Variants in SLC25A21 observed in about 807,000 individuals in gnomAD.
SLC25A21 encodes the protein solute carrier family 25 member 21.
In SLC25A21, 47 loss-of-function variants were observed where a neutral mutation model predicts 43.8. The ratio of observed to expected loss-of-function variants is 1.07; its 90% CI spans 0.85 to 1.37. The LOEUF (loss-of-function observed/expected upper bound fraction) is 1.37, where lower values mean the gene tolerates loss of function less well. Among genes scored for constraint, SLC25A21 ranks in the 40% most tolerant of loss-of-function variants. The probability of loss-of-function intolerance (pLI) is 0.00; values close to 1 mark genes in which losing one functional copy is unlikely to be tolerated. For missense variants in SLC25A21, 352 were observed against 350.2 expected (o/e 1.00, Z -0.04); for synonymous variants, 131 against 121.3 (o/e 1.08, Z -0.52).
intron 1 of SLC25A21, among the ~76,000 whole-genome samples, chr14:37,068,272 A>C (rs1362359099): frequency 1.3e-5 from 2 of 152,334 alleles, no homozygotes; most frequent in South Asian, 2.1e-4. Context: ...GAAGCCAACT[A>C]GGAGATATTT....
In SLC25A21 at chr14:37,098,778, C is replaced by CAGAT. The variant is rs1465755836; in HGVS notation, c.70+73502_70+73503insATCT. On this transcript the variant is annotated intron_variant, in intron 1 of 9. Transcript: ENST00000331299. The stretch of plus-strand genomic sequence containing the variant: ...ACAGACAGACAGACAGACAGACAGA[C>CAGAT]AGACAGACAGATAGATAGATAGATA... Among the ~76,000 whole-genome samples, 247 of 115,410 alleles carry CAGAT rather than the reference C, an allele frequency of 2.1e-3. 3 individuals are homozygous for CAGAT. Among genetic ancestry groups the CAGAT allele is most frequent in the African/African-American group, 8.8e-3 (234 of 26,516 alleles). 75.7% of individuals were successfully genotyped at this position (115,410 alleles called of 152,430 possible).
At chr14:36,787,612 C>A (rs1228088461) in intron 3 of SLC25A21, among the ~76,000 whole-genome samples, 1 of 151,802 alleles carries the variant, frequency 6.6e-6, no homozygotes, top group Admixed American at 6.6e-5. Context: ...TCATTTTATT[C>A]AAAAAAACTG....
intron 3 of SLC25A21, chr14:36,759,726 C>G (rs1199573216): frequency 6.6e-6 from 1 of 152,232 alleles, no homozygotes; most frequent in African/African-American, 2.4e-5. Context: ...CGCCTGTAAT[C>G]CCAGCATGTT....
intron 1 of SLC25A21, among the ~76,000 whole-genome samples, chr14:37,077,084 G>C (rs1180345023): frequency 6.6e-6 from 1 of 152,308 alleles, no homozygotes; most frequent in East Asian, 1.9e-4. Context: ...AGATATCTGA[G>C]TAACTCAGAC....
intron 1 of SLC25A21, among the ~76,000 whole-genome samples, chr14:37,036,298 C>T (rs1476108993): frequency 3.3e-5 from 5 of 152,050 alleles, no homozygotes; most frequent in African/African-American, 1.2e-4. Flanking sequence ...TGAAGTGAAA[C>T]CTGGAGGTTC....
chr14:36,966,397 C>G (rs918462730), intron 1 of SLC25A21, among the ~76,000 whole-genome samples: 1 of 152,150 alleles, frequency 6.6e-6, no homozygotes, highest in African/African-American at 2.4e-5. Flanking sequence ...TTGAGGTGAT[C>G]AGTGGAATTG....
At chr14:36,686,819 G>GT (rs1278871104) in intron 7 of SLC25A21, among the ~76,000 whole-genome samples, 3 of 152,224 alleles carry the variant, frequency 2.0e-5, no homozygotes, top group Admixed American at 1.3e-4. Context: ...GAGGACCAGA[G>GT]TTGGGGATGG....
intron 1 of SLC25A21, among the ~76,000 whole-genome samples, chr14:36,929,833 C>G (rs930662230): frequency 6.6e-6 from 1 of 152,134 alleles, no homozygotes; most frequent in African/African-American, 2.4e-5. Flanking sequence ...TCCTTTCACC[C>G]TGATGAATAT....
At chr14:36,847,247 G>A (rs1168580431) in intron 2 of SLC25A21, among the ~76,000 whole-genome samples, 3 of 152,108 alleles carry the variant, frequency 2.0e-5, no homozygotes, top group African/African-American at 7.2e-5. Context: ...TGGTTGAATG[G>A]GTGAGTAAAC....
In SLC25A21 at chr14:36,756,782, G is replaced by A. The variant is rs546516056; in HGVS notation, c.204-22209C>T. On this transcript the variant is annotated intron_variant, in intron 3 of 9. Transcript: ENST00000331299. ...CATTTCCAAATGTTTCATCATAAAA[G>A]CAATACATATTCAAGATAAATATTC... 1.9e-4 allele frequency among the ~76,000 whole-genome samples: 29 copies of A among 152,212 alleles called. 1 individual carries two copies. The highest frequency in any genetic ancestry group is 6.8e-3 in the Middle Eastern group (2 of 294).
At chr14:37,069,910 C>T (rs536255426) in intron 1 of SLC25A21, among the ~76,000 whole-genome samples, 1 of 152,224 alleles carries the variant, frequency 6.6e-6, no homozygotes, top group Non-Finnish European at 1.5e-5. Flanking sequence ...AAAAAGAAGG[C>T]TATATGATCC....
intron 2 of SLC25A21, among the ~76,000 whole-genome samples, chr14:36,855,193 C>T (rs965139284): frequency 3.3e-5 from 5 of 151,850 alleles, no homozygotes; most frequent in Non-Finnish European, 7.4e-5. Context: ...TAACAAGCAC[C>T]GAGAAGCTGA....
chr14:36,678,307 G>A lies in SLC25A21; in HGVS notation c.*2351C>T. 2 of 562,660 alleles carry A rather than the reference G, an allele frequency of 3.6e-6. No individual in the cohort carries two copies. Among genetic ancestry groups the A allele is most frequent in the Non-Finnish European group, 6.3e-6 (2 of 318,158 alleles). 34.9% of individuals were successfully genotyped at this position (562,660 alleles called of 1,614,324 possible). ...TTAGAGTGACTGCTTTTTTCAGACA[G>A]CAGATATCTTATAGAGAGCTTTGAA... On this transcript the variant is annotated 3_prime_UTR_variant, in exon 10 of 10. Coordinates refer to ENST00000331299, the MANE Select transcript of SLC25A21 (RefSeq NM_030631.4).
intron 1 of SLC25A21, among the ~76,000 whole-genome samples, chr14:37,094,069 A>C (rs181202744): frequency 6.6e-6 from 1 of 152,336 alleles, no homozygotes; most frequent in Admixed American, 6.5e-5. Flanking sequence ...AAAGTTAATT[A>C]TCTGCGGTTA....
chr14:36,841,227 G>A (rs1889375545), intron 2 of SLC25A21, among the ~76,000 whole-genome samples: 1 of 152,098 alleles, frequency 6.6e-6, no homozygotes, highest in Non-Finnish European at 1.5e-5. Flanking sequence ...AATCTACCAA[G>A]TATGTTCCAA....
chr14:37,002,128 C>T (rs1960502256), intron 1 of SLC25A21, among the ~76,000 whole-genome samples: 1 of 152,020 alleles, frequency 6.6e-6, no homozygotes, highest in Admixed American at 6.6e-5. Context: ...CACAGTTAGG[C>T]AGAGGAACAC....
chr14:37,131,584 T>C (rs571607581), intron 1 of SLC25A21, among the ~76,000 whole-genome samples: 2 of 152,302 alleles, frequency 1.3e-5, no homozygotes, highest in East Asian at 3.9e-4. Context: ...TATAAAATAA[T>C]ACAATTCATA....
At chr14:36,792,185 G>A (rs1201192358) in intron 3 of SLC25A21, among the ~76,000 whole-genome samples, 3 of 152,118 alleles carry the variant, frequency 2.0e-5, no homozygotes, top group Non-Finnish European at 2.9e-5. Flanking sequence ...AATTATGCCA[G>A]TGGCTCATGA....
intron 2 of SLC25A21, among the ~76,000 whole-genome samples, chr14:36,838,320 G>C (rs760727365): frequency 4.6e-5 from 7 of 152,146 alleles, no homozygotes; most frequent in Non-Finnish European, 8.8e-5. Context: ...CTTTATAAAA[G>C]AGCTGTAGTA....
Sources: gnomAD v4.1 joint callset for allele counts (sites outside exome capture counted in the v4.1 genomes callset) on GRCh38, gnomAD v4.1.1 for gene constraint, MANE v1.5 for transcripts, NCBI Gene and HGNC (gene_info 2026-07-23, HGNC 2026-07-21) for gene names.